PPM1G: variants seen among roughly 807,000 people sequenced by gnomAD.
PPM1G encodes protein phosphatase 1G.
PPM1G carries 12 observed loss-of-function variants against 59.4 expected under a neutral mutation model. The ratio of observed to expected loss-of-function variants is 0.20; its 90% CI spans 0.13 to 0.33. The LOEUF is 0.33. Among genes scored for constraint, PPM1G ranks in the 10% least tolerant of loss-of-function variants. The pLI is 1.00. For missense variants in PPM1G, 392 were observed against 681.3 expected, an observed-to-expected ratio of 0.58 and a Z score of 4.73; for synonymous variants, 245 against 251.9, an observed-to-expected ratio of 0.97 and a Z score of 0.26.
rs1321344270 is a variant in PPM1G at position 27,392,276 on chromosome 2, GGTTT to G, written c.121-5122_121-5119del. ...TGTTCCTGGATTACTTTGTTTTGTTGGTTTGTTTTGTTTTTTTTTTTTTTTTTTT... is the reference window on the plus strand; with the variant it reads ...TGTTCCTGGATTACTTTGTTTTGTTGGTTTTGTTTTTTTTTTTTTTTTTTT... On this transcript the variant is annotated intron_variant, in intron 1 of 9. Transcript: ENST00000344034. Among the ~76,000 whole-genome samples, 47 of 124,256 alleles carry G rather than the reference GGTTT, an allele frequency of 3.8e-4. 1 individual carries two copies. Among genetic ancestry groups the G allele is most frequent in the Middle Eastern group, 4.1e-3 (1 of 242 alleles). 81.5% of individuals were successfully genotyped at this position (124,256 alleles called of 152,430 possible).
intron 2 of PPM1G, 87 bp downstream of exon 2, chr2:27,387,002 A>G: frequency 1.9e-6 from 2 of 1,037,356 alleles, no homozygotes; most frequent in Non-Finnish European, 3.0e-6. Context: ...GACCCTGGAA[A>G]GTAAATGAAC....
At chr2:27,397,723 G>T (rs13407294) in intron 1 of PPM1G, among the ~76,000 whole-genome samples, 4 of 152,066 alleles carry the variant, frequency 2.6e-5, no homozygotes, top group African/African-American at 9.7e-5. Flanking sequence ...TAAAAAATTA[G>T]CCCAGTATGG....
Position 27,385,888 on chromosome 2 carries a change from A to G in PPM1G, c.277-9T>C. 2 of 1,609,902 alleles carry G rather than the reference A, an allele frequency of 1.2e-6. No homozygotes were observed. Among genetic ancestry groups the G allele is most frequent in the Non-Finnish European group, 1.7e-6 (2 of 1,178,934 alleles). On this transcript the variant is annotated splice_polypyrimidine_tract_variant and intron_variant, in intron 3 of 9. Transcript: ENST00000344034. The surrounding 1 kb of genome is among the most constrained non-coding windows in gnomAD (Gnocchi z 4.1). ...AAGGCATCTTCTAAAGCCTGAATATAAGCAAAATAGTCTAAGACTAGTACA... is the reference window on the plus strand; with the variant it reads ...AAGGCATCTTCTAAAGCCTGAATATGAGCAAAATAGTCTAAGACTAGTACA...
chr2:27,385,317 T>C lies in PPM1G; in HGVS notation c.410-229A>G, dbSNP rs766722371. 8 of 507,736 alleles carry C rather than the reference T, an allele frequency of 1.6e-5. No individual in the cohort carries two copies. Among genetic ancestry groups the C allele is most frequent in the Non-Finnish European group, 6.8e-6 (2 of 293,218 alleles). The allele number at this position is 507,736 out of a possible 1,614,324, so 31.5% of individuals were successfully genotyped here. A position where few individuals can be genotyped will look rare whatever the true frequency, so the allele number is the denominator to read the frequency against. On this transcript the variant is annotated intron_variant, in intron 4 of 9. Coordinates refer to ENST00000344034, the MANE Select transcript of PPM1G (RefSeq NM_177983.3). This position sits in a 1 kb window ranked among gnomAD's most constrained non-coding sequence, Gnocchi z 4.1. ...TTAATCAAAACAACACTAGTTACTA[T>C]ACTTCCCCTCTGACGTCTCATTTTT...
Position 27,409,290 on chromosome 2 carries a change from C to T in PPM1G, c.120+13G>A. On this transcript the variant is annotated intron_variant, in intron 1 of 9. Transcript: ENST00000344034. ...CCCCGCAGCGGCCAGCCTATGGGCC[C>T]CTGCCTCCTCACCTCCATGGAGACG... 1 of 1,553,884 alleles carries T rather than the reference C, an allele frequency of 6.4e-7. No homozygotes were observed. The highest frequency in any genetic ancestry group is 8.7e-7 in the Non-Finnish European group (1 of 1,151,140).
chr2:27,382,694 T>A lies in PPM1G; in HGVS notation c.1202-89A>T, dbSNP rs893838210. On this transcript the variant is annotated intron_variant, in intron 7 of 9. Coordinates refer to ENST00000344034, the MANE Select transcript of PPM1G (RefSeq NM_177983.3). This position sits in a 1 kb window ranked among gnomAD's most constrained non-coding sequence, Gnocchi z 4.2. The stretch of plus-strand genomic sequence containing the variant: ...GTCAAACCTTGCCATTCATTTCCCT[T>A]CTTTACAAAGTTCCATAATCTAGTG... The A allele has an allele frequency of 6.6e-7, 1 of 1,520,932 alleles. No homozygotes were observed. The highest frequency in any genetic ancestry group is 1.4e-5 in the African/African-American group (1 of 72,198). 94.2% of individuals were successfully genotyped at this position (1,520,932 alleles called of 1,614,324 possible).
At chr2:27,406,694 C>A (rs1333609838) in intron 1 of PPM1G, among the ~76,000 whole-genome samples, 1 of 152,108 alleles carries the variant, frequency 6.6e-6, no homozygotes, top group Non-Finnish European at 1.5e-5. Context: ...AGTATGGAAT[C>A]ACTGGGCAAA....
chr2:27,395,599 T>C (rs956923761), intron 1 of PPM1G, among the ~76,000 whole-genome samples: 3 of 151,974 alleles, frequency 2.0e-5, no homozygotes, highest in Non-Finnish European at 4.4e-5. Context: ...TCTCATTATT[T>C]TGGGAGGCTG....
chr2:27,384,097 CA>C lies in PPM1G; in HGVS notation c.826-6del. 3.1e-6 allele frequency: 5 copies of C among 1,614,040 alleles called. No homozygotes were observed. The highest frequency in any genetic ancestry group is 4.2e-6 in the Non-Finnish European group (5 of 1,179,984). ...ATCCTCTTCCTCGCTGCATTCCTGC[CA>C]GGGGGAGGATCCCAGACTGCTGAGA... is the stretch of plus-strand genomic sequence containing the variant. On this transcript the variant is annotated splice_region_variant and splice_polypyrimidine_tract_variant and intron_variant, in intron 5 of 9. Coordinates refer to ENST00000344034, the MANE Select transcript of PPM1G (RefSeq NM_177983.3). This position sits in a 1 kb window ranked among gnomAD's most constrained non-coding sequence, Gnocchi z 4.8.
At chr2:27,399,173 A>AACAACAACAACAACAACAAC (rs1278435300) in intron 1 of PPM1G, among the ~76,000 whole-genome samples, 1 of 99,900 alleles carries the variant, frequency 1.0e-5, no homozygotes, top group African/African-American at 4.5e-5. Context: ...ACAACAACAA[A>AACAACAACAACAACAACAAC]AACAAAACAA....
chr2:27,391,913 G>A (rs146623643), intron 1 of PPM1G, among the ~76,000 whole-genome samples: 330 of 151,952 alleles, frequency 2.2e-3, no homozygotes, highest in Non-Finnish European at 3.5e-3. Flanking sequence ...TGTATTTTTA[G>A]TAGAGACGGG....
rs1354114198 is a variant in PPM1G at position 27,409,409 on chromosome 2, A to G, written c.14T>C (p.Leu5Pro). 1 of 1,520,342 alleles carries G rather than the reference A, an allele frequency of 6.6e-7. No individual in the cohort carries two copies. Among genetic ancestry groups the G allele is most frequent in the Non-Finnish European group, 8.8e-7 (1 of 1,134,134 alleles). The allele number at this position is 1,520,342 out of a possible 1,614,324, so 94.2% of individuals were successfully genotyped here. A position where few individuals can be genotyped will look rare whatever the true frequency, so the allele number is the denominator to read the frequency against. Reference sequence around the variant, plus strand: ...GCACTTCACCGTGTTGGGCTGGGAGAGGTAGGCACCCATGGCGGCGGCTGG... The same window carrying G: ...GCACTTCACCGTGTTGGGCTGGGAGGGGTAGGCACCCATGGCGGCGGCTGG... MGAY[L>P]SQPNTVKCSG... The change falls in exon 1 of 10, where the codon CTC becomes CCC. Residue 5 changes from leucine (L) to proline (P), a missense_variant. Physicochemically the swap from Leu to Pro is moderately conservative, Grantham distance 98. Around this residue, in one of 6 missense-constraint regions of PPM1G, gnomAD observed 68 missense variants for 145.9 expected, o/e 0.47. Coordinates refer to ENST00000344034, the MANE Select transcript of PPM1G (RefSeq NM_177983.3).
chr2:27,390,975 C>T (rs1683886658), intron 1 of PPM1G, among the ~76,000 whole-genome samples: 1 of 152,200 alleles, frequency 6.6e-6, no homozygotes, highest in Admixed American at 6.5e-5. Flanking sequence ...GGATAATGCC[C>T]TCCAGCTACA....
At chr2:27,386,400 C>G in intron 2 of PPM1G, 121 bp from the exon 3 acceptor site, 1 of 654,736 alleles carries the variant, frequency 1.5e-6, no homozygotes. Flanking sequence ...ATCTTAGCAC[C>G]CCTGAACCCT....
At chr2:27,395,255 G>A (rs1019323765) in intron 1 of PPM1G, among the ~76,000 whole-genome samples, 59 of 138,886 alleles carry the variant, frequency 4.2e-4, no homozygotes, top group South Asian at 6.9e-4. Context: ...AAAAAAGAAA[G>A]AAAGAAAGAA....
chr2:27,403,263 G>C (rs2148427707), intron 1 of PPM1G, among the ~76,000 whole-genome samples: 1 of 152,056 alleles, frequency 6.6e-6, no homozygotes, highest in Middle Eastern at 3.4e-3. Context: ...CGCCAGCATG[G>C]GAAAACCCCT....
chr2:27,383,904 A>G lies in PPM1G; in HGVS notation c.966+48T>C. ...TCAAAATCAAAATTAGGGGATTCAC[A>G]CCTGCCTTGTGGCTTTTCAAGACTC... On this transcript the variant is annotated intron_variant, in intron 6 of 9. Coordinates refer to ENST00000344034, the MANE Select transcript of PPM1G (RefSeq NM_177983.3). The surrounding 1 kb of genome is among the most constrained non-coding windows in gnomAD (Gnocchi z 5.0). 6.5e-7 allele frequency: 1 copy of G among 1,550,152 alleles called. No individual in the cohort carries two copies. The highest frequency in any genetic ancestry group is 8.7e-7 in the Non-Finnish European group (1 of 1,146,030).
chr2:27,394,221 T>C (rs1008724231), intron 1 of PPM1G, among the ~76,000 whole-genome samples: 49 of 152,284 alleles, frequency 3.2e-4, no homozygotes, highest in African/African-American at 8.9e-4. Context: ...TAATAAAAAT[T>C]AGTAAACTTT....
At chr2:27,398,705 C>G (rs1449797926) in intron 1 of PPM1G, among the ~76,000 whole-genome samples, 1 of 150,988 alleles carries the variant, frequency 6.6e-6, no homozygotes, top group African/African-American at 2.4e-5. Context: ...GCCTATAGTC[C>G]TAGCTACTCG....
Sources: allele counts gnomAD v4.1 joint callset (sites outside exome capture counted in the v4.1 genomes callset), GRCh38; gene constraint gnomAD v4.1.1; regional missense constraint gnomAD v4.1.1; non-coding constraint Gnocchi (gnomAD v3.1); transcripts MANE v1.5; gene names NCBI Gene and HGNC (gene_info 2026-07-23, HGNC 2026-07-21).